Variants in COG3 observed in about 807,000 individuals in gnomAD.
COG3 encodes conserved oligomeric Golgi complex subunit 3.
COG3 carries 32 observed loss-of-function variants against 114.1 expected under a neutral mutation model. The ratio of observed to expected loss-of-function variants is 0.28; its 90% confidence interval spans 0.21 to 0.38. The LOEUF (loss-of-function observed/expected upper bound fraction) is 0.38, where lower values mean the gene tolerates loss of function less well. Among genes scored for constraint, COG3 ranks in the 10% least tolerant of loss-of-function variants. The pLI is 1.00. For synonymous variants in COG3, 352 were observed against 365.7 expected, an observed-to-expected ratio of 0.96 and a Z score of 0.43; for missense variants, 813 against 973.2, an observed-to-expected ratio of 0.84 and a Z score of 2.19.
chr13:45,521,036 A>G lies in COG3; in HGVS notation c.2154+1942A>G, dbSNP rs527359667. On this transcript the variant is annotated intron_variant, in intron 19 of 22. Transcript: ENST00000349995. The stretch of plus-strand genomic sequence containing the variant: ...AACAGCACAGTTTTTCTAGAAATCA[A>G]GAGAATAAAAATTTACACGTGCCCA... Among the ~76,000 whole-genome samples the G allele has an allele frequency of 2.0e-5, 3 of 152,378 alleles. 1 individual carries two copies. The highest frequency in any genetic ancestry group is 7.2e-5 in the African/African-American group (3 of 41,596).
intron 14 of COG3, among the ~76,000 whole-genome samples, chr13:45,504,746 T>A (rs1054953524): frequency 1.3e-4 from 20 of 152,200 alleles, no homozygotes; most frequent in African/African-American, 4.6e-4. Flanking sequence ...TATATGGTTC[T>A]AGAAGCTGTA....
chr13:45,534,403 C>G, intron 22 of COG3: 1 of 258,460 alleles, frequency 3.9e-6, no homozygotes, highest in Non-Finnish European at 7.2e-6. Flanking sequence ...AATAGACCAA[C>G]ATTGTGGGCC....
At chr13:45,469,348 CTGAGCACACGTGTA>C (rs950965792) in intron 1 of COG3, among the ~76,000 whole-genome samples, 2 of 152,120 alleles carry the variant, frequency 1.3e-5, no homozygotes, top group Admixed American at 6.5e-5. Context: ...AGATAACAGA[CTGAGCACACGTGTA>C]TGACATCCCT....
chr13:45,520,062 C>T (rs911968312), intron 19 of COG3, among the ~76,000 whole-genome samples: 1 of 152,050 alleles, frequency 6.6e-6, no homozygotes, highest in African/African-American at 2.4e-5. Context: ...GAGGATCGCT[C>T]GAGCCCCCAG....
At chr13:45,473,063 G>C (rs1885623211) in intron 1 of COG3, among the ~76,000 whole-genome samples, 6 of 152,138 alleles carry the variant, frequency 3.9e-5, no homozygotes, top group Admixed American at 3.3e-4. Context: ...TAGAGATGGG[G>C]TTTCACCGTG....
chr13:45,522,103 C>T (rs1234989216), intron 19 of COG3, among the ~76,000 whole-genome samples: 1 of 152,146 alleles, frequency 6.6e-6, no homozygotes, highest in African/African-American at 2.4e-5. Context: ...CTGTGCCTGG[C>T]CTTAGTTAGC....
chr13:45,493,693 G>C, intron 12 of COG3: 1 of 345,806 alleles, frequency 2.9e-6, no homozygotes, highest in South Asian at 7.8e-5. Flanking sequence ...TTAAAATCTG[G>C]GTAAAATTAG....
intron 13 of COG3, among the ~76,000 whole-genome samples, chr13:45,501,994 A>G (rs939065100): frequency 6.6e-6 from 1 of 152,220 alleles, no homozygotes; most frequent in African/African-American, 2.4e-5. Context: ...TACAGAATCA[A>G]CCTTGCAGGG....
At chr13:45,505,116 G>T (rs1396497662) in intron 14 of COG3, among the ~76,000 whole-genome samples, 6 of 151,636 alleles carry the variant, frequency 4.0e-5, no homozygotes, top group Non-Finnish European at 2.9e-5. Context: ...GAACCCAGGA[G>T]GTGGAGGTTG....
chr13:45,478,865 G>A (rs924070011), intron 2 of COG3, 140 bp from the exon 3 acceptor site: 3 of 654,776 alleles, frequency 4.6e-6, no homozygotes, highest in Admixed American at 6.1e-5. Context: ...ATTTTCTCCT[G>A]GCCTAAAACT....
chr13:45,500,067 A>AGTGT (rs1158465437), intron 13 of COG3, among the ~76,000 whole-genome samples: 24 of 113,104 alleles, frequency 2.1e-4, no homozygotes, highest in African/African-American at 5.7e-4. Context: ...TGTGTGTGTG[A>AGTGT]GTGTGTGTGT....
At chr13:45,495,905 A>G (rs1337404333) in intron 12 of COG3, among the ~76,000 whole-genome samples, 3 of 152,174 alleles carry the variant, frequency 2.0e-5, no homozygotes, top group Non-Finnish European at 4.4e-5. Context: ...CTTAAAATTC[A>G]GATTTTATTA....
intron 19 of COG3, among the ~76,000 whole-genome samples, chr13:45,520,536 C>CGTTG (rs1872020347): frequency 6.6e-6 from 1 of 152,022 alleles, no homozygotes; most frequent in African/African-American, 2.4e-5. Flanking sequence ...GATCCATCAA[C>CGTTG]GCTAATATGC....
Position 45,482,463 on chromosome 13 carries a change from T to A in COG3, c.707T>A (p.Ile236Asn). ...AAGTTAGATGATTGTATAACATATA[T>A]CTCATCTCATGTAAGTCAGAGTATT... ...LAKLDDCITY[I>N]SSHPNFKDYP... The change falls in exon 6 of 23, where the codon ATC becomes AAC. Residue 236 changes from isoleucine (I) to asparagine (N), a missense_variant. Transcript: ENST00000349995. The A allele has an allele frequency of 6.9e-7, 1 of 1,455,288 alleles. No individual in the cohort carries two copies. Among genetic ancestry groups the A allele is most frequent in the Non-Finnish European group, 9.6e-7 (1 of 1,046,760 alleles). 90.1% of individuals were successfully genotyped at this position (1,455,288 alleles called of 1,614,324 possible). A position where few individuals can be genotyped will look rare whatever the true frequency, so the allele number is the denominator to read the frequency against.
At chr13:45,529,666 T>A in intron 20 of COG3, 125 bp from the exon 21 acceptor site, 1 of 669,000 alleles carries the variant, frequency 1.5e-6, no homozygotes, top group Non-Finnish European at 2.4e-6. Flanking sequence ...ATGAAAGAAA[T>A]TCTTTGGGGA....
chr13:45,474,151 C>CTT (rs10558884), intron 1 of COG3, among the ~76,000 whole-genome samples: 1,027 of 81,946 alleles, frequency 0.013, 60 homozygotes, highest in African/African-American at 0.039. Context: ...CTTTTTTACT[C>CTT]TTTTTTTTTT....
intron 22 of COG3, among the ~76,000 whole-genome samples, chr13:45,534,270 G>A (rs1873405207): frequency 6.6e-6 from 1 of 152,238 alleles, no homozygotes; most frequent in African/African-American, 2.4e-5. Flanking sequence ...CCTTGTCAGT[G>A]TTTGTATATA....
At chr13:45,504,469 C>A (rs1869903485) in intron 14 of COG3, among the ~76,000 whole-genome samples, 1 of 152,192 alleles carries the variant, frequency 6.6e-6, no homozygotes, top group Non-Finnish European at 1.5e-5. Context: ...TTTTCTCTTT[C>A]CCCACTAAAG....
At chr13:45,479,688 T>C (rs1832041260) in intron 3 of COG3, among the ~76,000 whole-genome samples, 1 of 152,244 alleles carries the variant, frequency 6.6e-6, no homozygotes, top group African/African-American at 2.4e-5. Flanking sequence ...CTTAATCTCA[T>C]GCAGACTGGG....
Sources: gnomAD v4.1 joint callset for allele counts (sites outside exome capture counted in the v4.1 genomes callset) on GRCh38, gnomAD v4.1.1 for gene constraint, MANE v1.5 for transcripts, NCBI Gene and HGNC (gene_info 2026-07-23, HGNC 2026-07-21) for gene names.